The following FAM184A variants were observed in gnomAD, a reference collection of about 807,000 sequenced individuals.
FAM184A encodes the protein protein FAM184A.
In FAM184A, 99 loss-of-function variants were observed where a neutral mutation model predicts 143.8. The observed-to-expected ratio is 0.69, with a 90% CI of 0.58 to 0.81. The LOEUF (loss-of-function observed/expected upper bound fraction) is 0.81. FAM184A is among the 40% of genes least tolerant of loss of function. The pLI is 0.00. For missense variants in FAM184A, 1,217 were observed against 1,310.5 expected (o/e 0.93, Z 1.10); for synonymous variants, 427 against 446.4 (o/e 0.96, Z 0.55).
At chr6:119,011,036 A>C in intron 6 of FAM184A, 1 of 273,320 alleles carries the variant, frequency 3.7e-6, no homozygotes. Context: ...GCAAAAGGGT[A>C]GAGAACTCTC....
At chr6:119,025,381 C>A in intron 1 of FAM184A, 1 of 504,752 alleles carries the variant, frequency 2.0e-6, no homozygotes, top group African/African-American at 2.0e-5. Context: ...AAAGCTGATC[C>A]TCTTCTCTCT....
Position 119,024,280 on chromosome 6 carries a change from G to C in FAM184A, c.693C>G (p.Asn231Lys). 1 of 1,614,134 alleles carries C rather than the reference G, an allele frequency of 6.2e-7. No individual in the cohort carries two copies. Among genetic ancestry groups the C allele is most frequent in the Non-Finnish European group, 8.5e-7 (1 of 1,180,016 alleles). The change falls in exon 2 of 18, where the codon AAC (asparagine) becomes AAG (lysine). Residue 231 changes from asparagine to lysine, a missense_variant. By Grantham distance (94) the Asn-to-Lys change is moderately conservative. Transcript: ENST00000338891. ...CAAGTCTTAGCTCCTCAAGCATTTT[G>C]TTTAGGGACTCCACCTCCATTCTGT... ...ELHRMEVESL[N>K]KMLEELRLER...
At chr6:119,068,845 AG>A (rs35817512) in intron 1 of FAM184A, among the ~76,000 whole-genome samples, 39,216 of 152,076 alleles carry the variant, frequency 0.26, 5,443 homozygotes, top group Non-Finnish European at 0.29. Context: ...AGAATTTAGA[AG>A]GTATCAGTAT....
At chr6:118,964,830 T>A in intron 15 of FAM184A, 59 bp from the exon 16 acceptor site, 1 of 879,862 alleles carries the variant, frequency 1.1e-6, no homozygotes, top group Non-Finnish European at 1.8e-6. Context: ...TTTAAAAACA[T>A]AAATGTATAA....
At chr6:118,977,229 C>T (rs1484825649) in intron 11 of FAM184A, among the ~76,000 whole-genome samples, 3 of 152,136 alleles carry the variant, frequency 2.0e-5, no homozygotes. Context: ...ACTGTTGATA[C>T]ACACAATAAC....
intron 6 of FAM184A, 79 bp downstream of exon 6, chr6:119,011,230 C>A: frequency 1.6e-6 from 2 of 1,225,668 alleles, no homozygotes; most frequent in South Asian, 1.4e-5. Context: ...CTGAGACTTA[C>A]CTACCTATAC....
At position 119,006,501 on chromosome 6, in the gene FAM184A, A is replaced by G. The variant is rs1562470213; in HGVS notation, c.1761T>C (p.Leu587=). The G allele has an allele frequency of 6.2e-7, 1 of 1,614,070 alleles. No homozygotes were observed. Among genetic ancestry groups the G allele is most frequent in the Non-Finnish European group, 8.5e-7 (1 of 1,179,964 alleles). ...CCTTTAGGCTGTCTTTAGTCAAGTC[A>G]AGCTCATTCTGAAGCCTTTCCTGGG... ...QDSQERLQNE[L]DLTKDSLKET... Residue 587 remains leucine (L), a synonymous_variant, in exon 7 of 18, where the codon CTT becomes CTC. Transcript: ENST00000338891.
chr6:118,984,541 C>T (rs918549583), intron 9 of FAM184A, among the ~76,000 whole-genome samples: 2 of 152,056 alleles, frequency 1.3e-5, no homozygotes, highest in South Asian at 2.1e-4. Context: ...TGGAAGAACT[C>T]TCTCAAAACA....
At chr6:119,011,583 C>T (rs1227190339) in intron 5 of FAM184A, 152 bp from the exon 6 acceptor site, 2 of 552,228 alleles carry the variant, frequency 3.6e-6, no homozygotes, top group Admixed American at 7.3e-5. Flanking sequence ...TTAACAGTGA[C>T]ACCCATAGTG....
intron 1 of FAM184A, among the ~76,000 whole-genome samples, chr6:119,094,784 G>A (rs1436449599): frequency 6.6e-6 from 1 of 152,158 alleles, no homozygotes; most frequent in East Asian, 1.9e-4. Flanking sequence ...AAAAGGAGGG[G>A]ATGTTATTGA....
At chr6:118,960,316 T>G (rs1583752348) in intron 17 of FAM184A, 132 bp from the exon 18 acceptor site, 1 of 663,872 alleles carries the variant, frequency 1.5e-6, no homozygotes, top group East Asian at 2.8e-5. Context: ...TTTAAAGATT[T>G]GCTACCCCCT....
At chr6:119,076,183 T>C (rs563637194) in intron 1 of FAM184A, among the ~76,000 whole-genome samples, 1 of 152,130 alleles carries the variant, frequency 6.6e-6, no homozygotes, top group African/African-American at 2.4e-5. Context: ...CATCCTATAA[T>C]GCACAGGATA....
chr6:119,009,813 C>T (rs74956214), intron 6 of FAM184A, among the ~76,000 whole-genome samples: 2,741 of 152,166 alleles, frequency 0.018, 73 homozygotes, highest in African/African-American at 0.062. Flanking sequence ...TCACTGAAAC[C>T]GCAGTGTGTA....
chr6:118,993,162 TTTC>T (rs1562464693), intron 9 of FAM184A, among the ~76,000 whole-genome samples: 1 of 152,186 alleles, frequency 6.6e-6, no homozygotes, highest in Admixed American at 6.5e-5. Flanking sequence ...GCATCTTAAA[TTTC>T]TTGTTAATTT....
Position 118,964,650 on chromosome 6 carries a change from G to T in FAM184A, c.3138+17C>A. 1 of 1,384,890 alleles carries T rather than the reference G, an allele frequency of 7.2e-7. No individual in the cohort carries two copies. Among genetic ancestry groups the T allele is most frequent in the Non-Finnish European group, 1.0e-6 (1 of 984,844 alleles). The allele number at this position is 1,384,890 out of a possible 1,614,324, so 85.8% of individuals were successfully genotyped here. ...TTTTAAACCACATTCCTATTCTACA[G>T]TGTTTACGGCACATACCTTAGCCAA... On this transcript the variant is annotated intron_variant, in intron 16 of 17. Transcript: ENST00000338891.
In FAM184A at chr6:119,099,024, C is replaced by T. The variant is rs573382844; in HGVS notation, c.-202+50054G>A. The stretch of plus-strand genomic sequence containing the variant: ...ACTTGGGAGGCCGAGGCAGGAGAAT[C>T]GCTTGAACCTGGGAGGTGGAGGTTG... On this transcript the variant is annotated intron_variant, in intron 1 of 16. Coordinates refer to the FAM184A transcript ENST00000352896. Among the ~76,000 whole-genome samples the T allele has an allele frequency of 3.9e-5, 6 of 152,260 alleles. No homozygotes were observed. The South Asian group carries it at 6.2e-4, about 16-fold the overall frequency.
intron 9 of FAM184A, among the ~76,000 whole-genome samples, chr6:118,981,179 G>T (rs989035887): frequency 6.6e-6 from 1 of 151,962 alleles, no homozygotes; most frequent in Non-Finnish European, 1.5e-5. Context: ...TAAGTATTTT[G>T]GGAAGAATAA....
In FAM184A at chr6:119,024,529, G is replaced by A. The variant is rs1371636933; in HGVS notation, c.444C>T (p.Val148=). 1 of 1,613,774 alleles carries A rather than the reference G, an allele frequency of 6.2e-7. No homozygotes were observed. Among genetic ancestry groups the A allele is most frequent in the African/African-American group, 1.3e-5 (1 of 74,838 alleles). Residue 148 remains valine, a synonymous_variant, in exon 2 of 18, where the codon GTC becomes GTT. Transcript: ENST00000338891. ...CTCTAGACATGGTCACTATGCGTTG[G>A]ACATGCTGGGCTTCTGCACAAAGTT... ...DMQLCAEAQH[V]QRIVTMSREV...
chr6:119,076,524 A>C (rs113862775), intron 1 of FAM184A, among the ~76,000 whole-genome samples: 3 of 152,220 alleles, frequency 2.0e-5, no homozygotes, highest in Non-Finnish European at 4.4e-5. Context: ...ATAAAAGAAC[A>C]GGAAACTGAA....
Sources: gnomAD v4.1 joint callset for allele counts (sites outside exome capture counted in the v4.1 genomes callset) on GRCh38, gnomAD v4.1.1 for gene constraint, MANE v1.5 for transcripts, NCBI Gene and HGNC (gene_info 2026-07-23, HGNC 2026-07-21) for gene names.